NELL1: variants seen among roughly 807,000 people sequenced by gnomAD.
The protein encoded by NELL1 is protein kinase C-binding protein NELL1.
In NELL1, 76 loss-of-function variants were observed where a neutral mutation model predicts 107.4. That is an observed-to-expected ratio of 0.71 (90% CI 0.59 to 0.86). The LOEUF (loss-of-function observed/expected upper bound fraction) is 0.86. NELL1 is among the 40% of genes least tolerant of loss of function. NELL1 has a pLI of 0.00. For synonymous variants in NELL1, 353 were observed against 341.2 expected, an observed-to-expected ratio of 1.03 and a Z score of -0.38; for missense variants, 1,024 against 1,005.5, an observed-to-expected ratio of 1.02 and a Z score of -0.25.
At chr11:20,811,890 A>T (rs1037907165) in intron 3 of NELL1, among the ~76,000 whole-genome samples, 8 of 152,062 alleles carry the variant, frequency 5.3e-5, no homozygotes, top group Middle Eastern at 3.2e-3. Flanking sequence ...AACAAGGACA[A>T]TTTAATTTTC....
At chr11:21,478,754 C>A (rs1854413794) in intron 15 of NELL1, among the ~76,000 whole-genome samples, 1 of 150,420 alleles carries the variant, frequency 6.6e-6, no homozygotes, top group Admixed American at 6.6e-5. Context: ...AATAGGGAAC[C>A]CACAGAACTG....
At chr11:21,508,857 TTAAA>T (rs1200466433) in intron 15 of NELL1, among the ~76,000 whole-genome samples, 1 of 152,066 alleles carries the variant, frequency 6.6e-6, no homozygotes, top group Admixed American at 6.5e-5. Context: ...TCATATTTAG[TTAAA>T]TAAAGGCTTA....
At chr11:21,530,050 A>G (rs548192577) in intron 15 of NELL1, among the ~76,000 whole-genome samples, 1 of 152,126 alleles carries the variant, frequency 6.6e-6, no homozygotes, top group South Asian at 2.1e-4. Flanking sequence ...TTATCTCTCT[A>G]TGTCTGCATC....
intron 15 of NELL1, among the ~76,000 whole-genome samples, chr11:21,453,248 C>G (rs1853632505): frequency 6.6e-6 from 1 of 152,058 alleles, no homozygotes; most frequent in African/African-American, 2.4e-5. Context: ...TCCATTTCTT[C>G]TTTAGGTTTT....
At chr11:21,492,114 C>T (rs1426596519) in intron 15 of NELL1, among the ~76,000 whole-genome samples, 1 of 152,104 alleles carries the variant, frequency 6.6e-6, no homozygotes, top group African/African-American at 2.4e-5. Flanking sequence ...CAAAAGAAGA[C>T]ATTTATGCAA....
chr11:20,898,316 G>C (rs1226190884), intron 5 of NELL1, among the ~76,000 whole-genome samples: 1 of 151,866 alleles, frequency 6.6e-6, no homozygotes, highest in Non-Finnish European at 1.5e-5. Flanking sequence ...AAACTATTGC[G>C]AGGACAAAAA....
At chr11:21,079,548 CAA>C (rs374508703) in intron 12 of NELL1, among the ~76,000 whole-genome samples, 45 of 152,034 alleles carry the variant, frequency 3.0e-4, no homozygotes, top group African/African-American at 1.0e-3. Context: ...GAAAGAATGA[CAA>C]AAGTTTCCAC....
chr11:20,957,318 A>G (rs1851195749), intron 11 of NELL1, among the ~76,000 whole-genome samples: 1 of 152,354 alleles, frequency 6.6e-6, no homozygotes, highest in Non-Finnish European at 1.5e-5. Context: ...GCTAGACTTT[A>G]TTCCACCTGT....
intron 17 of NELL1, among the ~76,000 whole-genome samples, chr11:21,567,537 T>A (rs1244674651): frequency 1.3e-5 from 2 of 151,852 alleles, no homozygotes; most frequent in Non-Finnish European, 2.9e-5. Context: ...TGATTTCTTG[T>A]TATTTGTATA....
intron 2 of NELL1, among the ~76,000 whole-genome samples, chr11:20,687,596 A>AT (rs34011831): frequency 0.23 from 33,225 of 146,550 alleles, 3,921 homozygotes; most frequent in African/African-American, 0.3. Context: ...ACTAAACTAA[A>AT]TTTTTTTTTT....
chr11:21,540,768 C>A (rs1856272911), intron 16 of NELL1, among the ~76,000 whole-genome samples: 1 of 152,056 alleles, frequency 6.6e-6, no homozygotes, highest in South Asian at 2.1e-4. Flanking sequence ...TCACATCCTA[C>A]CAGGCCCCTC....
chr11:21,392,111 G>A (rs1851892479), intron 15 of NELL1, among the ~76,000 whole-genome samples: 1 of 151,716 alleles, frequency 6.6e-6, no homozygotes, highest in African/African-American at 2.4e-5. Flanking sequence ...TAATACCCCT[G>A]TCTCAGTATA....
At chr11:21,309,304 AT>A (rs1849695592) in intron 14 of NELL1, among the ~76,000 whole-genome samples, 14 of 128,018 alleles carry the variant, frequency 1.1e-4, no homozygotes, top group South Asian at 7.3e-4. Context: ...ATATATGTAT[AT>A]ATATATAATA....
chr11:21,071,609 C>G (rs1449524692), intron 12 of NELL1, among the ~76,000 whole-genome samples: 1 of 152,194 alleles, frequency 6.6e-6, no homozygotes, highest in Non-Finnish European at 1.5e-5. Context: ...AAAACAGTCT[C>G]TGGCCATGTC....
chr11:20,885,754 G>T (rs1415904299), intron 5 of NELL1, among the ~76,000 whole-genome samples: 1 of 152,168 alleles, frequency 6.6e-6, no homozygotes, highest in Non-Finnish European at 1.5e-5. Flanking sequence ...TGTGAAGTAG[G>T]TGCTTTGAAA....
chr11:21,065,628 A>G (rs1853849443), intron 12 of NELL1, among the ~76,000 whole-genome samples: 1 of 152,232 alleles, frequency 6.6e-6, no homozygotes, highest in Non-Finnish European at 1.5e-5. Context: ...TCCTAGCTAT[A>G]TTACACAGGG....
intron 17 of NELL1, among the ~76,000 whole-genome samples, chr11:21,562,046 A>T (rs1262639429): frequency 6.6e-6 from 1 of 152,016 alleles, no homozygotes; most frequent in Admixed American, 6.6e-5. Flanking sequence ...ATATCCTCAC[A>T]TCCTTTTTGG....
Position 21,302,535 on chromosome 11 carries a change from C to T in NELL1, c.1550-68318C>T, listed in dbSNP as rs181750325. 6.9e-4 allele frequency among the ~76,000 whole-genome samples: 105 copies of T among 152,052 alleles called. 1 individual carries two copies. Among genetic ancestry groups the T allele is most frequent in the Non-Finnish European group, 8.8e-5 (6 of 67,952 alleles). On this transcript the variant is annotated intron_variant, in intron 14 of 19. Transcript: ENST00000357134. Reference sequence around the variant, plus strand: ...AAAGAATCTACATGAAAGGTGGGCTCATTTATGGAACCAACCCATACCTAT... The same window carrying T: ...AAAGAATCTACATGAAAGGTGGGCTTATTTATGGAACCAACCCATACCTAT...
intron 15 of NELL1, among the ~76,000 whole-genome samples, chr11:21,385,368 A>G (rs1014158521): frequency 6.6e-6 from 1 of 151,900 alleles, no homozygotes; most frequent in Non-Finnish European, 1.5e-5. Context: ...TAAAGCCACA[A>G]TACTGTTATG....
Sources: gnomAD v4.1 joint callset for allele counts (sites outside exome capture counted in the v4.1 genomes callset) on GRCh38, gnomAD v4.1.1 for gene constraint, MANE v1.5 for transcripts, NCBI Gene and HGNC (gene_info 2026-07-23, HGNC 2026-07-21) for gene names.